ABR: variants seen among roughly 807,000 people sequenced by gnomAD.
ABR encodes ABR activator of RhoGEF and GTPase, also known as active breakpoint cluster region-related protein.
In ABR, 35 loss-of-function variants were observed where a neutral mutation model predicts 107.2. The observed-to-expected ratio is 0.33, with a 90% confidence interval of 0.25 to 0.43. The LOEUF (loss-of-function observed/expected upper bound fraction) is 0.43, where lower values mean the gene tolerates loss of function less well. Ranked by LOEUF, ABR falls within the 20% of genes least tolerant of loss-of-function variation. The probability of loss-of-function intolerance (pLI) is 1.00; values close to 1 mark genes in which losing one functional copy is unlikely to be tolerated. For synonymous variants in ABR, 498 were observed against 462.0 expected (o/e 1.08, Z -1.00); for missense variants, 815 against 1,115.2 (o/e 0.73, Z 3.83).
intron 1 of ABR, among the ~76,000 whole-genome samples, chr17:1,225,677 G>C (rs1284923974): frequency 1.3e-5 from 2 of 152,062 alleles, no homozygotes; most frequent in Non-Finnish European, 1.5e-5. Flanking sequence ...GAAAGAAGAA[G>C]CAACTCAAAG....
At chr17:1,073,012 T>C (rs1597678552) in intron 7 of ABR, among the ~76,000 whole-genome samples, 1 of 151,814 alleles carries the variant, frequency 6.6e-6, no homozygotes, top group South Asian at 2.1e-4. Flanking sequence ...AAACCCCATC[T>C]CTAGTAAAAA....
At chr17:1,149,456 ACT>A (rs201303193) in intron 1 of ABR, among the ~76,000 whole-genome samples, 7,619 of 142,110 alleles carry the variant, frequency 0.054, 259 homozygotes, top group African/African-American at 0.098. Flanking sequence ...ACAGAATCTC[ACT>A]CTGTCACCCA....
At chr17:1,094,095 C>T (rs2037230215) in intron 3 of ABR, among the ~76,000 whole-genome samples, 1 of 152,126 alleles carries the variant, frequency 6.6e-6, no homozygotes, top group Non-Finnish European at 1.5e-5. Flanking sequence ...AACCAACGGC[C>T]CCTCTGCGTC....
intron 1 of ABR, among the ~76,000 whole-genome samples, chr17:1,144,360 C>T (rs528095985): frequency 2.6e-5 from 4 of 152,180 alleles, no homozygotes; most frequent in South Asian, 2.1e-4. Flanking sequence ...AGCTCCGTTA[C>T]GAGTCGCCCA....
chr17:1,022,106 C>CAAAAAAAAAAAAAAAAAAAAAAAAAAAA, intron 16 of ABR, among the ~76,000 whole-genome samples: 1 of 39,232 alleles, frequency 2.5e-5, no homozygotes, highest in Non-Finnish European at 4.4e-5. Flanking sequence ...GACTCTGTCT[C>CAAAAAAAAAAAAAAAAAAAAAAAAAAAA]AAAAAAAAAA....
intron 2 of ABR, among the ~76,000 whole-genome samples, chr17:1,109,476 T>C (rs551538582): frequency 1.3e-5 from 2 of 151,276 alleles, no homozygotes; most frequent in African/African-American, 4.8e-5. Flanking sequence ...GCCCGTCCTC[T>C]GGGGTTGCGG....
intron 16 of ABR, among the ~76,000 whole-genome samples, chr17:1,017,255 C>T (rs2071233982): frequency 1.3e-5 from 2 of 152,002 alleles, no homozygotes; most frequent in Non-Finnish European, 2.9e-5. Context: ...ACCTCTCTCC[C>T]CTCTAAGCTG....
rs78213761 is a variant in ABR at position 1,035,027 on chromosome 17, C to T, written c.1791+15023G>A. On this transcript the variant is annotated intron_variant, in intron 16 of 22. Transcript: ENST00000302538. The stretch of plus-strand genomic sequence containing the variant: ...ATAAGTGCCTTCGCAGATGGGTAGC[C>T]GAGTTGGGAGTCTTCCCCTGAGACG... Among the ~76,000 whole-genome samples, 356 of 152,004 alleles carry T rather than the reference C, an allele frequency of 2.3e-3. 7 individuals are homozygous for T. In the East Asian group the frequency reaches 0.024, roughly 10 times the overall value.
At chr17:1,132,154 G>T (rs2039870940) in intron 1 of ABR, among the ~76,000 whole-genome samples, 1 of 151,992 alleles carries the variant, frequency 6.6e-6, no homozygotes, top group Admixed American at 6.6e-5. Context: ...TTGAGCCCAG[G>T]AGTTTGAGAC....
chr17:1,104,811 T>C (rs1362448577), intron 2 of ABR, among the ~76,000 whole-genome samples: 1 of 152,162 alleles, frequency 6.6e-6, no homozygotes, highest in Non-Finnish European at 1.5e-5. Context: ...CAAATTCCAG[T>C]GGCCCCTCTC....
intron 16 of ABR, among the ~76,000 whole-genome samples, chr17:1,046,117 C>T (rs957776763): frequency 6.6e-6 from 1 of 152,156 alleles, no homozygotes; most frequent in Admixed American, 6.5e-5. Context: ...GTGATCCCCC[C>T]GCCCTGGCCT....
rs1268430324 is a variant in ABR at position 1,005,752 on chromosome 17, GGGCTGTCTGTGT to G, written c.*316_*327del. ...GCTGGAGGAAATGAAAGAACAAAGC[GGGCTGTCTGTGT>G]GCCCACGCCGGGCCGGTCACTACCT... is the stretch of plus-strand genomic sequence containing the variant. On this transcript the variant is annotated 3_prime_UTR_variant, in exon 23 of 23. Transcript: ENST00000302538. The G allele has an allele frequency of 4.6e-5, 17 of 373,412 alleles. No individual in the cohort carries two copies. Among genetic ancestry groups the G allele is most frequent in the Non-Finnish European group, 4.4e-5 (9 of 202,622 alleles). The allele number at this position is 373,412 out of a possible 1,614,324, so 23.1% of individuals were successfully genotyped here. A position where few individuals can be genotyped will look rare whatever the true frequency, so the allele number is the denominator to read the frequency against.
At chr17:1,151,907 C>A (rs1023714820) in intron 1 of ABR, among the ~76,000 whole-genome samples, 1 of 151,842 alleles carries the variant, frequency 6.6e-6, no homozygotes, top group Non-Finnish European at 1.5e-5. Context: ...GTAGTCCCAG[C>A]ACTTTGAGAG....
At chr17:1,202,548 A>G (rs1014860628) in intron 1 of ABR, among the ~76,000 whole-genome samples, 1 of 152,170 alleles carries the variant, frequency 6.6e-6, no homozygotes, top group Non-Finnish European at 1.5e-5. Context: ...TCCCCTATGG[A>G]CAAAGAGGCT....
intron 12 of ABR, chr17:1,057,700 TGTGAGAGAGAGAGAGA>T (rs2033494203): frequency 2.4e-6 from 1 of 422,430 alleles, no homozygotes; most frequent in African/African-American, 2.0e-5. Context: ...TGTGTGTGTG[TGTGAGAGAGAGAGAGA>T]GGTAGAGAGA....
At chr17:1,077,270 T>C (rs1417819896) in intron 6 of ABR, among the ~76,000 whole-genome samples, 1 of 151,942 alleles carries the variant, frequency 6.6e-6, no homozygotes, top group African/African-American at 2.4e-5. Flanking sequence ...GAGCTGGCCC[T>C]TTCACTCCTC....
chr17:1,046,197 G>T (rs1205971138), intron 16 of ABR, among the ~76,000 whole-genome samples: 2 of 94,700 alleles, frequency 2.1e-5, no homozygotes, highest in African/African-American at 5.7e-5. Flanking sequence ...GTAGAGACGG[G>T]GTTTCGCCAT....
chr17:1,020,121 T>C (rs2071504216), intron 16 of ABR, among the ~76,000 whole-genome samples: 1 of 152,038 alleles, frequency 6.6e-6, no homozygotes, highest in Admixed American at 6.5e-5. Flanking sequence ...TCGCACTCTG[T>C]CGCCCAGGCT....
intron 16 of ABR, among the ~76,000 whole-genome samples, chr17:1,014,396 G>A (rs567408473): frequency 1.0e-3 from 148 of 145,660 alleles, no homozygotes; most frequent in African/African-American, 3.3e-3. Context: ...AGCCGAGATC[G>A]CGCCACTGCA....
Sources: gnomAD v4.1 joint callset for allele counts (sites outside exome capture counted in the v4.1 genomes callset) on GRCh38, gnomAD v4.1.1 for gene constraint, MANE v1.5 for transcripts, NCBI Gene and HGNC (gene_info 2026-07-23, HGNC 2026-07-21) for gene names.